Variants in ERG observed in about 807,000 individuals in gnomAD.
ERG encodes ETS transcription factor ERG, also known as transcriptional regulator ERG.
Under a neutral mutation model 55.3 loss-of-function variants are expected in ERG, and 9 were observed. The ratio of observed to expected loss-of-function variants is 0.16; its 90% CI spans 0.10 to 0.28. The LOEUF is 0.28. ERG is among the 10% of genes least tolerant of loss of function. ERG has a pLI of 1.00. For synonymous variants in ERG, 223 were observed against 237.3 expected (o/e 0.94, Z 0.55); for missense variants, 434 against 631.6 (o/e 0.69, Z 3.35).
rs748755457 is a variant in ERG, at chr21:38,403,485, T to C, written c.592+21A>G. On this transcript the variant is annotated intron_variant, in intron 4 of 9. Transcript: ENST00000288319. The stretch of plus-strand genomic sequence containing the variant: ...GAACCATAGCCACAGCCATCTATCC[T>C]TGGAGGAAGGGGGAGCTTACTCTCT... 2.5e-6 allele frequency: 4 copies of C among 1,612,142 alleles called. No homozygotes were observed. The South Asian group carries it at 4.4e-5, about 18-fold the overall frequency.
upstream of ERG, among the ~76,000 whole-genome samples, chr21:38,587,595 A>G (rs1367591319): frequency 6.6e-6 from 1 of 152,080 alleles, no homozygotes; most frequent in Non-Finnish European, 1.5e-5. Context: ...TGACCTCGTG[A>G]TCCACCCGCC....
intron 1 of ERG, among the ~76,000 whole-genome samples, chr21:38,645,120 C>T (rs1384240593): frequency 6.6e-6 from 1 of 152,144 alleles, no homozygotes; most frequent in Non-Finnish European, 1.5e-5. Flanking sequence ...GGTCACACCA[C>T]TACACTCCAG....
At chr21:38,491,743 T>A (rs1164348692) in intron 1 of ERG, among the ~76,000 whole-genome samples, 3 of 152,206 alleles carry the variant, frequency 2.0e-5, no homozygotes, top group African/African-American at 7.2e-5. Flanking sequence ...GACCTGCGTG[T>A]TCATTATTGA....
chr21:38,465,227 A>G (rs1283204431), intron 1 of ERG, among the ~76,000 whole-genome samples: 1 of 152,214 alleles, frequency 6.6e-6, no homozygotes, highest in African/African-American at 2.4e-5. Context: ...TAAATGTGCC[A>G]ATCAAGTTCC....
chr21:38,563,958 G>A (rs900375474), intron 2 of ERG, among the ~76,000 whole-genome samples: 5 of 152,264 alleles, frequency 3.3e-5, no homozygotes, highest in Admixed American at 2.0e-4. Flanking sequence ...GGTGTACAAC[G>A]TGACAGGGAC....
At chr21:38,543,941 T>C (rs2059771495) in intron 2 of ERG, among the ~76,000 whole-genome samples, 1 of 152,136 alleles carries the variant, frequency 6.6e-6, no homozygotes, top group South Asian at 2.1e-4. Flanking sequence ...TTCACCATGT[T>C]GGCCAGGCTG....
intron 2 of ERG, among the ~76,000 whole-genome samples, chr21:38,549,040 G>C (rs189917825): frequency 4.1e-4 from 62 of 151,966 alleles, no homozygotes; most frequent in Admixed American, 7.2e-4. Context: ...GTGAACCCAG[G>C]AGGCGGAGCT....
chr21:38,507,766 C>G (rs968092972), intron 2 of ERG, among the ~76,000 whole-genome samples: 4 of 152,098 alleles, frequency 2.6e-5, no homozygotes, highest in African/African-American at 9.7e-5. Context: ...TGTGGCTCCT[C>G]TTTAGGAATG....
intron 2 of ERG, among the ~76,000 whole-genome samples, chr21:38,429,744 T>TACACACACAC (rs368936578): frequency 9.3e-6 from 1 of 107,440 alleles, no homozygotes; most frequent in Non-Finnish European, 2.0e-5. Context: ...TGTATATATA[T>TACACACACAC]ATACACACAC....
intron 1 of ERG, among the ~76,000 whole-genome samples, chr21:38,458,508 T>A (rs1443807280): frequency 6.6e-6 from 1 of 151,956 alleles, no homozygotes; most frequent in African/African-American, 2.4e-5. Context: ...TCAGGCAGAA[T>A]TTTTATTAAT....
intron 1 of ERG, among the ~76,000 whole-genome samples, chr21:38,462,365 A>G (rs1324118485): frequency 1.1e-5 from 1 of 88,642 alleles, no homozygotes; most frequent in East Asian, 4.6e-4. Context: ...TATAATGCAT[A>G]TACACAATTT....
intron 2 of ERG, among the ~76,000 whole-genome samples, chr21:38,519,470 C>T (rs2059577455): frequency 1.3e-5 from 2 of 152,060 alleles, no homozygotes; most frequent in South Asian, 4.1e-4. Context: ...CACTGCCAAC[C>T]CATGACCAAA....
chr21:38,469,010 A>T (rs1252445893), intron 1 of ERG, among the ~76,000 whole-genome samples: 1 of 136,266 alleles, frequency 7.3e-6, no homozygotes, highest in East Asian at 2.0e-4. Flanking sequence ...AAGAAAAAAA[A>T]AAAAGAAAAT....
At chr21:38,561,269 C>T (rs2059891166) in intron 2 of ERG, among the ~76,000 whole-genome samples, 1 of 152,116 alleles carries the variant, frequency 6.6e-6, no homozygotes, top group Non-Finnish European at 1.5e-5. Context: ...CCCTCTTGGT[C>T]TGTTTTCTTT....
intron 2 of ERG, among the ~76,000 whole-genome samples, chr21:38,534,648 G>A (rs1212478166): frequency 6.6e-6 from 1 of 152,114 alleles, no homozygotes; most frequent in Non-Finnish European, 1.5e-5. Context: ...AGCCTCTATG[G>A]AAAACAGTAT....
chr21:38,389,544 A>C (rs1261680763), intron 9 of ERG, among the ~76,000 whole-genome samples: 1 of 151,716 alleles, frequency 6.6e-6, no homozygotes, highest in African/African-American at 2.4e-5. Context: ...AAACATAGTC[A>C]TTATTTTTAT....
At chr21:38,486,393 C>T (rs1041009764) in intron 1 of ERG, among the ~76,000 whole-genome samples, 8 of 152,082 alleles carry the variant, frequency 5.3e-5, no homozygotes, top group Non-Finnish European at 8.8e-5. Context: ...CGTGTGCAGC[C>T]GGCTATGCCA....
upstream of ERG, among the ~76,000 whole-genome samples, chr21:38,585,531 TC>T (rs1411331200): frequency 7.9e-6 from 1 of 126,346 alleles, no homozygotes; most frequent in Non-Finnish European, 1.6e-5. Flanking sequence ...CTCTCTCTCT[TC>T]TTTTTTTTTT....
intron 1 of ERG, among the ~76,000 whole-genome samples, chr21:38,649,963 G>A (rs1415733216): frequency 6.6e-6 from 1 of 152,230 alleles, no homozygotes; most frequent in Non-Finnish European, 1.5e-5. Flanking sequence ...GTATGGTTGG[G>A]TGTTTTAATA....
Sources: gnomAD v4.1 joint callset for allele counts (sites outside exome capture counted in the v4.1 genomes callset) on GRCh38, gnomAD v4.1.1 for gene constraint, MANE v1.5 for transcripts, NCBI Gene and HGNC (gene_info 2026-07-23, HGNC 2026-07-21) for gene names.